The following RUFY3 variants were observed in gnomAD, a reference collection of about 807,000 sequenced individuals.
RUFY3 encodes the protein protein RUFY3.
A neutral mutation model predicts 84.0 loss-of-function variants in RUFY3; 34 were observed. That is an observed-to-expected ratio of 0.40 (90% confidence interval 0.31 to 0.54). The LOEUF (loss-of-function observed/expected upper bound fraction) is 0.54, where lower values mean the gene tolerates loss of function less well. Among genes scored for constraint, RUFY3 ranks in the 20% least tolerant of loss-of-function variants. The pLI is 0.39. For missense variants in RUFY3, 507 were observed against 736.8 expected, an observed-to-expected ratio of 0.69 and a Z score of 3.61; for synonymous variants, 242 against 252.9, an observed-to-expected ratio of 0.96 and a Z score of 0.41.
At chr4:70,709,270 T>G (rs919718559) in intron 1 of RUFY3, among the ~76,000 whole-genome samples, 1 of 152,238 alleles carries the variant, frequency 6.6e-6, no homozygotes, top group African/African-American at 2.4e-5. Context: ...ACTTCTAACT[T>G]TAAATCTCAT....
intron 1 of RUFY3, among the ~76,000 whole-genome samples, chr4:70,735,844 C>T (rs1406674589): frequency 2.6e-5 from 4 of 151,970 alleles, no homozygotes; most frequent in Admixed American, 1.3e-4. Flanking sequence ...AAATATTAGC[C>T]GGGCATGGTG....
chr4:70,781,084 C>CA (rs35495444), intron 8 of RUFY3, among the ~76,000 whole-genome samples: 8,974 of 111,934 alleles, frequency 0.08, 539 homozygotes, highest in East Asian at 0.25. Context: ...CCCCATCTCA[C>CA]AAAAAAAAAA....
At chr4:70,776,453 A>T (rs1727980308) in intron 7 of RUFY3, among the ~76,000 whole-genome samples, 1 of 152,144 alleles carries the variant, frequency 6.6e-6, no homozygotes, top group Non-Finnish European at 1.5e-5. Context: ...ATATCTGAGC[A>T]CAGTGAATAA....
At chr4:70,797,366 A>T (rs944125310) in intron 14 of RUFY3, among the ~76,000 whole-genome samples, 1 of 152,226 alleles carries the variant, frequency 6.6e-6, no homozygotes. Flanking sequence ...GTCCATGCAC[A>T]GTCTTTTCGT....
chr4:70,708,692 A>G (rs543839405), intron 1 of RUFY3, among the ~76,000 whole-genome samples: 56 of 152,304 alleles, frequency 3.7e-4, no homozygotes, highest in African/African-American at 1.2e-3. Flanking sequence ...GGTTTTAAAA[A>G]TTAAATTTTA....
intron 10 of RUFY3, 99 bp downstream of exon 10, chr4:70,784,978 G>A (rs990945109): frequency 2.2e-5 from 16 of 720,996 alleles, no homozygotes; most frequent in Non-Finnish European, 3.4e-5. Flanking sequence ...AATATCAGTA[G>A]TGTTCTGAAA....
intron 15 of RUFY3, among the ~76,000 whole-genome samples, chr4:70,802,634 T>C (rs900476212): frequency 6.6e-6 from 1 of 152,226 alleles, no homozygotes; most frequent in Non-Finnish European, 1.5e-5. Flanking sequence ...CAGTGAACCA[T>C]TGGAGTTTTA....
chr4:70,709,421 C>G (rs1369921151), intron 1 of RUFY3, among the ~76,000 whole-genome samples: 1 of 152,206 alleles, frequency 6.6e-6, no homozygotes, highest in African/African-American at 2.4e-5. Context: ...CTCCAGCACC[C>G]TCTCCCCGGT....
chr4:70,789,468 GTTGT>G (rs763305965), intron 11 of RUFY3, 23 bp from the exon 12 acceptor site: 57 of 1,594,338 alleles, frequency 3.6e-5, no homozygotes, highest in Middle Eastern at 3.7e-4. Flanking sequence ...TGTTATACAG[GTTGT>G]TTATCGTTAT....
intron 1 of RUFY3, among the ~76,000 whole-genome samples, chr4:70,727,373 T>TTTTTTTTA (rs71211958): frequency 6.8e-6 from 1 of 146,668 alleles, no homozygotes. Context: ...TTTTTTTTTT[T>TTTTTTTTA]GAGACAGAGT....
At chr4:70,777,767 G>A (rs1728203110) in intron 7 of RUFY3, among the ~76,000 whole-genome samples, 1 of 152,178 alleles carries the variant, frequency 6.6e-6, no homozygotes, top group Non-Finnish European at 1.5e-5. Flanking sequence ...ATTTAGAAGA[G>A]GGTTTGGTGC....
chr4:70,781,796 G>C (rs373716167), intron 8 of RUFY3, among the ~76,000 whole-genome samples: 1 of 152,230 alleles, frequency 6.6e-6, no homozygotes, highest in African/African-American at 2.4e-5. Flanking sequence ...CTAATGAGGA[G>C]ATAATAATTG....
chr4:70,748,981 C>G (rs1363868303), intron 1 of RUFY3, among the ~76,000 whole-genome samples: 2 of 152,150 alleles, frequency 1.3e-5, no homozygotes, highest in African/African-American at 4.8e-5. Flanking sequence ...CAACATCACT[C>G]AGGGAATATG....
At chr4:70,731,317 C>T (rs1255150472) in intron 1 of RUFY3, among the ~76,000 whole-genome samples, 3 of 152,112 alleles carry the variant, frequency 2.0e-5, no homozygotes, top group South Asian at 2.1e-4. Flanking sequence ...GGATTACAGG[C>T]GTGAGCCACC....
intron 17 of RUFY3, 102 bp from the exon 18 acceptor site, chr4:70,806,414 T>C: frequency 7.7e-7 from 1 of 1,302,750 alleles, no homozygotes; most frequent in Admixed American, 1.8e-5. Flanking sequence ...CAGTCATTGT[T>C]TGATTAGGCA....
intron 12 of RUFY3, chr4:70,792,085 C>G: frequency 1.0e-6 from 1 of 985,718 alleles, no homozygotes; most frequent in Non-Finnish European, 1.2e-6. Flanking sequence ...CCTACTTAGG[C>G]AGTTCAGAGA....
intron 1 of RUFY3, among the ~76,000 whole-genome samples, chr4:70,728,393 C>T (rs907603261): frequency 3.9e-5 from 6 of 152,078 alleles, no homozygotes; most frequent in African/African-American, 1.4e-4. Context: ...ATTGCTAGCT[C>T]GGGAAAAAAT....
intron 1 of RUFY3, among the ~76,000 whole-genome samples, chr4:70,749,082 C>CT (rs897252672): frequency 2.6e-5 from 4 of 151,862 alleles, no homozygotes; most frequent in African/African-American, 9.7e-5. Context: ...CTTTTCTTTT[C>CT]TTTTTTTTAT....
rs763445500 is a variant in RUFY3, at chr4:70,722,587, C to A, written c.14C>A (p.Thr5Lys). The A allele has an allele frequency of 6.2e-7, 1 of 1,612,906 alleles. No homozygotes were observed. Among genetic ancestry groups the A allele is most frequent in the Non-Finnish European group, 8.5e-7 (1 of 1,179,720 alleles). MSAL[T>K]PPTDMPTPTT... is the part of the protein sequence containing the mutation. ...AGCTGAGTCATCATGTCTGCTCTGA[C>A]GCCTCCGACCGATATGCCAACCCCC... Residue 5 changes from threonine (T) to lysine (K), a missense_variant, in exon 1 of 18, where the codon ACG (threonine) becomes AAG (lysine). Physicochemically the swap from Thr to Lys is moderately conservative, Grantham distance 78 (BLOSUM62 -1). This residue lies in a region of RUFY3 where 133 missense variants were observed against 301.1 expected (regional missense o/e 0.44). Coordinates refer to ENST00000381006, the MANE Select transcript of RUFY3 (RefSeq NM_001037442.4).
Sources: gnomAD v4.1 joint callset for allele counts (sites outside exome capture counted in the v4.1 genomes callset) on GRCh38, gnomAD v4.1.1 for gene constraint, gnomAD v4.1.1 regional missense constraint, MANE v1.5 for transcripts, NCBI Gene and HGNC (gene_info 2026-07-23, HGNC 2026-07-21) for gene names.